The following TBC1D19 variants were observed in gnomAD, a reference collection of about 807,000 sequenced individuals.
TBC1D19 encodes the protein TBC1 domain family member 19.
A neutral mutation model predicts 89.0 loss-of-function variants in TBC1D19; 60 were observed. The observed-to-expected ratio is 0.67, with a 90% CI of 0.55 to 0.84. TBC1D19 has a LOEUF of 0.84. Ranked by LOEUF, TBC1D19 falls within the 40% of genes least tolerant of loss-of-function variation. The probability of loss-of-function intolerance (pLI) is 0.00; values close to 1 mark genes in which losing one functional copy is unlikely to be tolerated. For missense variants in TBC1D19, 500 were observed against 610.8 expected, an observed-to-expected ratio of 0.82 and a Z score of 1.91; for synonymous variants, 189 against 199.7, an observed-to-expected ratio of 0.95 and a Z score of 0.45.
the TBC1D19 span, among the ~76,000 whole-genome samples, chr4:26,799,933 T>C: frequency 8.4e-6 from 1 of 119,064 alleles, no homozygotes; most frequent in Non-Finnish European, 2.0e-5. Context: ...AGCTATAATA[T>C]ACAGAGAATT....
At chr4:26,666,173 A>G (rs958325359) in intron 8 of TBC1D19, among the ~76,000 whole-genome samples, 160 bp from the exon 9 acceptor site, 1 of 151,934 alleles carries the variant, frequency 6.6e-6, no homozygotes, top group Non-Finnish European at 1.5e-5. Context: ...TATTATTTAG[A>G]TGTTTAATAT....
intron 4 of TBC1D19, among the ~76,000 whole-genome samples, chr4:26,626,420 T>C (rs1281870234): frequency 6.6e-6 from 1 of 152,164 alleles, no homozygotes; most frequent in African/African-American, 2.4e-5. Context: ...AGATCCCTAA[T>C]TGTATCCTAG....
At chr4:26,743,039 C>T (rs1265855003) in intron 18 of TBC1D19, among the ~76,000 whole-genome samples, 2 of 152,044 alleles carry the variant, frequency 1.3e-5, no homozygotes, top group Non-Finnish European at 2.9e-5. Context: ...AAATCAGGTA[C>T]CTATCAATGG....
At chr4:26,820,177 A>G in the TBC1D19 span, among the ~76,000 whole-genome samples, 1 of 152,254 alleles carries the variant, frequency 6.6e-6, no homozygotes, top group African/African-American at 2.4e-5. Flanking sequence ...GGATGAGAAC[A>G]TTAAAAATCT....
At chr4:26,694,278 C>T (rs547854220) in intron 13 of TBC1D19, among the ~76,000 whole-genome samples, 1 of 152,262 alleles carries the variant, frequency 6.6e-6, no homozygotes, top group East Asian at 1.9e-4. Context: ...GGGTCCTACG[C>T]CCACAGAGCC....
chr4:26,803,640 G>T, the TBC1D19 span, among the ~76,000 whole-genome samples: 1 of 152,156 alleles, frequency 6.6e-6, no homozygotes, highest in South Asian at 2.1e-4. Context: ...CCCTGAGGTC[G>T]CGCTGCCAGT....
chr4:26,788,381 T>G, the TBC1D19 span, among the ~76,000 whole-genome samples: 1 of 152,206 alleles, frequency 6.6e-6, no homozygotes. Flanking sequence ...TCCCGGATAC[T>G]CATCAGGAAG....
At chr4:26,638,235 G>T (rs1424875768) in intron 5 of TBC1D19, among the ~76,000 whole-genome samples, 2 of 151,766 alleles carry the variant, frequency 1.3e-5, no homozygotes, top group Non-Finnish European at 2.9e-5. Context: ...ATTCCCTGTT[G>T]TTGGACAGGA....
chr4:26,812,849 C>A, the TBC1D19 span, among the ~76,000 whole-genome samples: 3 of 150,930 alleles, frequency 2.0e-5, no homozygotes, highest in African/African-American at 4.9e-5. This position sits in a 1 kb window ranked among gnomAD's most constrained non-coding sequence, Gnocchi z 4.2. Flanking sequence ...TGTATATATA[C>A]AATTTGATAG....
intron 3 of TBC1D19, among the ~76,000 whole-genome samples, chr4:26,615,353 G>A (rs13111922): frequency 0.46 from 69,303 of 151,900 alleles, 17,574 homozygotes; most frequent in Admixed American, 0.6. Context: ...CCATGTGGCA[G>A]CACCGTACTA....
Position 26,747,478 on chromosome 4 carries a change from G to A in TBC1D19, c.1320-933G>A, listed in dbSNP as rs141296211. Among the ~76,000 whole-genome samples, 636 of 152,234 alleles carry A rather than the reference G, an allele frequency of 4.2e-3. 3 individuals carry two copies. Among genetic ancestry groups the A allele is most frequent in the Non-Finnish European group, 6.0e-3 (410 of 67,994 alleles). ...GTATTGAGGAATTTCTGAAACTTGAGGATCTTTTTCAGTCTTAAGATAATT... is the reference window on the plus strand; with the variant it reads ...GTATTGAGGAATTTCTGAAACTTGAAGATCTTTTTCAGTCTTAAGATAATT... On this transcript the variant is annotated intron_variant, in intron 18 of 20. Transcript: ENST00000264866.
At chr4:26,594,141 C>A (rs1740029663) in intron 1 of TBC1D19, among the ~76,000 whole-genome samples, 1 of 152,144 alleles carries the variant, frequency 6.6e-6, no homozygotes, top group African/African-American at 2.4e-5. Context: ...ACATATACAC[C>A]ATGGAATACT....
intron 7 of TBC1D19, among the ~76,000 whole-genome samples, chr4:26,658,405 G>A (rs1424078265): frequency 1.3e-5 from 2 of 152,114 alleles, no homozygotes; most frequent in African/African-American, 4.8e-5. Context: ...GTAGATGTGT[G>A]GTGTTGTTTT....
chr4:26,688,432 A>G (rs748316007), intron 13 of TBC1D19, 25 bp downstream of exon 13: 6 of 1,520,366 alleles, frequency 3.9e-6, no homozygotes, highest in Admixed American at 1.9e-5. Flanking sequence ...AAAAATACAT[A>G]GTGTTCTTGT....
At chr4:26,734,933 T>C (rs1450130237) in intron 15 of TBC1D19, among the ~76,000 whole-genome samples, 2 of 147,042 alleles carry the variant, frequency 1.4e-5, no homozygotes, top group African/African-American at 5.3e-5. Flanking sequence ...CACATATATG[T>C]GTGTATATAT....
At chr4:26,614,356 T>A in intron 2 of TBC1D19, 52 bp from the exon 3 acceptor site, 2 of 1,267,224 alleles carry the variant, frequency 1.6e-6, no homozygotes, top group South Asian at 2.8e-5. Flanking sequence ...GTAATGTATG[T>A]TTACTTAAAA....
At chr4:26,785,676 A>G in the TBC1D19 span, among the ~76,000 whole-genome samples, 6 of 152,202 alleles carry the variant, frequency 3.9e-5, no homozygotes, top group African/African-American at 1.4e-4. Context: ...ACGGCATTGC[A>G]TGCACACACA....
At chr4:26,647,235 G>A (rs1436249386) in intron 7 of TBC1D19, among the ~76,000 whole-genome samples, 2 of 152,190 alleles carry the variant, frequency 1.3e-5, no homozygotes, top group Non-Finnish European at 2.9e-5. Context: ...CTTGACATGA[G>A]ATAGAGGATA....
chr4:26,614,611 C>T (rs897822118), intron 3 of TBC1D19, among the ~76,000 whole-genome samples, 158 bp downstream of exon 3: 23 of 152,060 alleles, frequency 1.5e-4, no homozygotes, highest in Admixed American at 3.9e-4. Context: ...AAATTACTAC[C>T]GTCTTGCCTG....
Sources: allele counts gnomAD v4.1 joint callset (sites outside exome capture counted in the v4.1 genomes callset), GRCh38; gene constraint gnomAD v4.1.1; non-coding constraint Gnocchi (gnomAD v3.1); transcripts MANE v1.5; gene names NCBI Gene and HGNC (gene_info 2026-07-23, HGNC 2026-07-21).